TMEM72: variants seen among roughly 807,000 people sequenced by gnomAD.
TMEM72 encodes transmembrane protein 72, also known as kidney-specific secretory protein of 37 kDa.
A neutral mutation model predicts 16.3 loss-of-function variants in TMEM72; 9 were observed. The observed-to-expected ratio is 0.55, with a 90% CI of 0.33 to 0.96. The LOEUF is 0.96. TMEM72 is among the 40% of genes least tolerant of loss of function. TMEM72 has a pLI of 0.03. For missense variants in TMEM72, 324 were observed against 337.8 expected (o/e 0.96, Z 0.32); for synonymous variants, 160 against 146.5 (o/e 1.09, Z -0.66).
chr10:44,927,303 C>T (rs879348874), intron 1 of TMEM72, among the ~76,000 whole-genome samples: 2 of 152,078 alleles, frequency 1.3e-5, no homozygotes, highest in Admixed American at 6.5e-5. Context: ...AAGGCAGGTC[C>T]GAGATGAAAT....
At chr10:44,921,142 T>C (rs186266527) in intron 1 of TMEM72, among the ~76,000 whole-genome samples, 5 of 152,328 alleles carry the variant, frequency 3.3e-5, no homozygotes, top group Admixed American at 2.0e-4. Flanking sequence ...GGACAGAGAC[T>C]GGAGGGAAGG....
intron 3 of TMEM72, among the ~76,000 whole-genome samples, chr10:44,932,712 C>T (rs557408917): frequency 4.6e-5 from 7 of 152,346 alleles, no homozygotes; most frequent in Admixed American, 2.6e-4. Flanking sequence ...CACTGGCTGC[C>T]TCTCAGGCTC....
chr10:44,927,811 GC>G, intron 1 of TMEM72, 109 bp from the exon 2 acceptor site: 2 of 1,066,492 alleles, frequency 1.9e-6, no homozygotes, highest in Non-Finnish European at 2.7e-6. Flanking sequence ...ACCTACCTTG[GC>G]TGTCAGTCCC....
intron 1 of TMEM72, among the ~76,000 whole-genome samples, chr10:44,917,375 G>C (rs1239647940): frequency 6.6e-6 from 1 of 152,136 alleles, no homozygotes; most frequent in East Asian, 1.9e-4. Context: ...AGGAAGATCC[G>C]AGGAAAGGAG....
chr10:44,928,188 A>G (rs568864112), intron 2 of TMEM72, among the ~76,000 whole-genome samples: 3 of 151,884 alleles, frequency 2.0e-5, no homozygotes, highest in Admixed American at 6.6e-5. Context: ...TATCCTTTCT[A>G]CCCACCCAAC....
intron 1 of TMEM72, among the ~76,000 whole-genome samples, chr10:44,926,762 C>T (rs951549993): frequency 7.9e-5 from 12 of 152,170 alleles, no homozygotes; most frequent in Non-Finnish European, 1.5e-4. Flanking sequence ...TGTCCCCTTT[C>T]CCCGGCCCCA....
intron 1 of TMEM72, among the ~76,000 whole-genome samples, chr10:44,913,857 G>A (rs1217711776): frequency 1.3e-5 from 2 of 152,204 alleles, no homozygotes; most frequent in Admixed American, 1.3e-4. Context: ...TGCTGCTAGA[G>A]AGGAAATAAG....
In TMEM72 at chr10:44,935,312, G is replaced by A. The variant is rs763932594; in HGVS notation, c.*178G>A. 1.5e-4 allele frequency: 87 copies of A among 581,354 alleles called. No homozygotes were observed. Among genetic ancestry groups the A allele is most frequent in the Middle Eastern group, 1.4e-3 (3 of 2,146 alleles). 36.0% of individuals were successfully genotyped at this position (581,354 alleles called of 1,614,324 possible). ...TGGCCAGCATTTCTGGAGAGGCCTC[G>A]AGGGAGGCACAAACAAGGCTCACGC... On this transcript the variant is annotated 3_prime_UTR_variant, in exon 5 of 5. Coordinates refer to ENST00000389583, the MANE Select transcript of TMEM72 (RefSeq NM_001123376.3).
At chr10:44,916,071 C>G (rs1840010315) in intron 1 of TMEM72, among the ~76,000 whole-genome samples, 1 of 152,188 alleles carries the variant, frequency 6.6e-6, no homozygotes, top group Non-Finnish European at 1.5e-5. Flanking sequence ...ATTGAGGTAA[C>G]CTGGCAGAGG....
At chr10:44,921,013 T>C (rs1840089224) in intron 1 of TMEM72, among the ~76,000 whole-genome samples, 1 of 152,198 alleles carries the variant, frequency 6.6e-6, no homozygotes, top group Non-Finnish European at 1.5e-5. Context: ...GCCCAGGATC[T>C]CTGATCTCTG....
intron 1 of TMEM72, among the ~76,000 whole-genome samples, chr10:44,918,782 C>T (rs962903478): frequency 6.6e-6 from 1 of 152,222 alleles, no homozygotes; most frequent in South Asian, 2.1e-4. Flanking sequence ...GAGGTAGGGC[C>T]TTCTCTGAAT....
chr10:44,919,858 G>A (rs1840067645), intron 1 of TMEM72: 1 of 152,160 alleles, frequency 6.6e-6, no homozygotes, highest in Non-Finnish European at 1.5e-5. Context: ...CCACACGTAG[G>A]TAAACCTCCC....
chr10:44,922,788 C>T (rs1840122574), intron 1 of TMEM72, among the ~76,000 whole-genome samples: 2 of 152,176 alleles, frequency 1.3e-5, no homozygotes, highest in South Asian at 4.1e-4. Flanking sequence ...CATCTGTATT[C>T]CTAGGAGCCT....
At chr10:44,933,459 G>C (rs1840337907) in intron 3 of TMEM72, among the ~76,000 whole-genome samples, 178 bp from the exon 4 acceptor site, 1 of 152,212 alleles carries the variant, frequency 6.6e-6, no homozygotes, top group Non-Finnish European at 1.5e-5. Context: ...CCCTCTAGAG[G>C]GACTCAGGCA....
chr10:44,927,836 C>A, intron 1 of TMEM72, 85 bp from the exon 2 acceptor site: 1 of 1,418,696 alleles, frequency 7.0e-7, no homozygotes. Flanking sequence ...GAAGAAGACT[C>A]ACTCCACAGC....
rs1840399588 is a variant in TMEM72, at chr10:44,936,264, C to T, written c.*1130C>T. On this transcript the variant is annotated 3_prime_UTR_variant, in exon 5 of 5. Transcript: ENST00000389583. ...AGAGCACACACACCATTCTTCATGG[C>T]AACTGCAGTGAGGGAGCAGTCAGGA... The T allele has an allele frequency of 6.6e-6, 1 of 152,340 alleles. No homozygotes were observed. The highest frequency in any genetic ancestry group is 6.5e-5 in the Admixed American group (1 of 15,304). The allele number at this position is 152,340 out of a possible 1,614,324, so 9.4% of individuals were successfully genotyped here.
At chr10:44,933,977 CAAG>C (rs1564439530) in intron 4 of TMEM72, among the ~76,000 whole-genome samples, 1 of 152,184 alleles carries the variant, frequency 6.6e-6, no homozygotes, top group Non-Finnish European at 1.5e-5. Flanking sequence ...AGGAATGTCC[CAAG>C]AAGTGCATCC....
chr10:44,913,211 T>C (rs78315482), intron 1 of TMEM72, among the ~76,000 whole-genome samples: 1 of 152,122 alleles, frequency 6.6e-6, no homozygotes, highest in Non-Finnish European at 1.5e-5. Flanking sequence ...TAGGTTTCCA[T>C]GTCTGTTGAT....
At chr10:44,927,280 C>A (rs1840211315) in intron 1 of TMEM72, among the ~76,000 whole-genome samples, 1 of 152,114 alleles carries the variant, frequency 6.6e-6, no homozygotes, top group Non-Finnish European at 1.5e-5. Context: ...CACCCAGAGA[C>A]AGCAAGTCTG....
Sources: gnomAD v4.1 joint callset for allele counts (sites outside exome capture counted in the v4.1 genomes callset) on GRCh38, gnomAD v4.1.1 for gene constraint, MANE v1.5 for transcripts, NCBI Gene and HGNC (gene_info 2026-07-23, HGNC 2026-07-21) for gene names.